The following PLA2G6 variants were observed in gnomAD, a reference collection of about 807,000 sequenced individuals.
PLA2G6 encodes the protein phospholipase A2 group VI.
A neutral mutation model predicts 83.8 loss-of-function variants in PLA2G6; 62 were observed. The observed-to-expected ratio is 0.74, with a 90% CI of 0.60 to 0.91. The LOEUF is 0.91. Among genes scored for constraint, PLA2G6 ranks in the 40% least tolerant of loss-of-function variants. The pLI is 0.00. For synonymous variants in PLA2G6, 417 were observed against 449.8 expected, an observed-to-expected ratio of 0.93 and a Z score of 0.92; for missense variants, 944 against 1,102.0, an observed-to-expected ratio of 0.86 and a Z score of 2.03.
chr22:38,154,824 G>C (rs2089710941), intron 2 of PLA2G6, among the ~76,000 whole-genome samples: 1 of 152,216 alleles, frequency 6.6e-6, no homozygotes, highest in South Asian at 2.1e-4. Flanking sequence ...CTTTCAGACA[G>C]AGAATTCAAA....
At chr22:38,146,181 G>A (rs775751960) in intron 2 of PLA2G6, 4 of 172,854 alleles carry the variant, frequency 2.3e-5, no homozygotes, top group South Asian at 1.3e-4. Flanking sequence ...GATTAAAGGC[G>A]TGTGCTGCCA....
chr22:38,125,774 A>G (rs750596438), intron 10 of PLA2G6: 1 of 464,552 alleles, frequency 2.2e-6, no homozygotes, highest in Non-Finnish European at 4.5e-6. Context: ...AATCAACTGC[A>G]GCAATCAAGG....
At chr22:38,155,393 CAT>C (rs1491179202) in intron 2 of PLA2G6, among the ~76,000 whole-genome samples, 3 of 152,076 alleles carry the variant, frequency 2.0e-5, no homozygotes, top group Non-Finnish European at 4.4e-5. Context: ...TACACAGAAA[CAT>C]ATAGAATATT....
intron 1 of PLA2G6, among the ~76,000 whole-genome samples, chr22:38,169,984 G>C (rs1384283618): frequency 6.6e-6 from 1 of 152,088 alleles, no homozygotes; most frequent in African/African-American, 2.4e-5. Context: ...GATCATTTGA[G>C]GTCAGAAATT....
chr22:38,152,705 C>G (rs765539317), intron 2 of PLA2G6, among the ~76,000 whole-genome samples: 1 of 152,116 alleles, frequency 6.6e-6, no homozygotes. Flanking sequence ...CAGACAAAAA[C>G]AGGTAGTCAA....
At chr22:38,179,227 C>G (rs2090752933) in intron 1 of PLA2G6, among the ~76,000 whole-genome samples, 2 of 152,164 alleles carry the variant, frequency 1.3e-5, no homozygotes, top group Admixed American at 1.3e-4. Context: ...AAGCCAGTGA[C>G]ATCAGAGAGG....
rs1459543347 is a variant in PLA2G6, at chr22:38,113,502, C to T, written c.2187G>A (p.Lys729=). 6.2e-7 allele frequency: 1 copy of T among 1,614,092 alleles called. No homozygotes were observed. The highest frequency in any genetic ancestry group is 8.5e-7 in the Non-Finnish European group (1 of 1,180,028). Residue 729 remains lysine (K), a synonymous_variant, in exon 15 of 17, where the codon AAG becomes AAA. Coordinates refer to ENST00000332509, the MANE Select transcript of PLA2G6 (RefSeq NM_003560.4). ...CCACACTCACACAGTCCACCACCAT[C>T]TTGCCCAGTTCCTTGGCCCCAAAAA... is the stretch of plus-strand genomic sequence containing the variant. ...KTVFGAKELG[K]MVVDCCTDPD... is the part of the protein sequence containing the mutation.
rs925893147 is a variant in PLA2G6 at position 38,128,170 on chromosome 22, G to A, written c.1348+99C>T. 2 of 1,322,734 alleles carry A rather than the reference G, an allele frequency of 1.5e-6. No homozygotes were observed. Among genetic ancestry groups the A allele is most frequent in the Admixed American group, 3.5e-5 (2 of 57,656 alleles). The allele number at this position is 1,322,734 out of a possible 1,614,324, so 81.9% of individuals were successfully genotyped here. On this transcript the variant is annotated intron_variant, in intron 9 of 16. Coordinates refer to ENST00000332509, the MANE Select transcript of PLA2G6 (RefSeq NM_003560.4). The surrounding 1 kb of genome is among the most constrained non-coding windows in gnomAD (Gnocchi z 4.4). The stretch of plus-strand genomic sequence containing the variant: ...CCCATCCTCCCCGGCTTCCTTTAGT[G>A]ACTTCCGTCCTAGGGATCCTGTTGC...
chr22:38,120,659 G>C, intron 12 of PLA2G6, 100 bp downstream of exon 12: 1 of 1,418,484 alleles, frequency 7.0e-7, no homozygotes, highest in Non-Finnish European at 9.9e-7. Context: ...AGCGTGGGGC[G>C]CTCTTCCCCC....
chr22:38,166,467 T>C (rs936894963), intron 2 of PLA2G6, among the ~76,000 whole-genome samples: 8 of 152,158 alleles, frequency 5.3e-5, no homozygotes, highest in Non-Finnish European at 1.2e-4. Flanking sequence ...TGGTGACTCA[T>C]GCCTGTAATC....
intron 2 of PLA2G6, among the ~76,000 whole-genome samples, chr22:38,150,925 A>G (rs1252003526): frequency 1.3e-5 from 2 of 152,172 alleles, no homozygotes; most frequent in Non-Finnish European, 2.9e-5. Flanking sequence ...CGTCTCTACT[A>G]AAAATACAAA....
At chr22:38,150,233 C>T (rs1352358751) in intron 2 of PLA2G6, 2 of 152,140 alleles carry the variant, frequency 1.3e-5, no homozygotes, top group Non-Finnish European at 2.9e-5. Flanking sequence ...GCGTTACCAA[C>T]AGAATATGGC....
chr22:38,148,175 G>C (rs577535252), intron 2 of PLA2G6: 2 of 307,412 alleles, frequency 6.5e-6, no homozygotes, highest in South Asian at 2.7e-5. Flanking sequence ...TAGTGGAATG[G>C]AGGGAACCAA....
intron 12 of PLA2G6, 113 bp from the exon 13 acceptor site, chr22:38,116,324 G>A: frequency 8.5e-7 from 1 of 1,173,432 alleles, no homozygotes; most frequent in Non-Finnish European, 1.3e-6. Context: ...TCCAACCTCT[G>A]TTCGGGATAG....
chr22:38,124,542 A>T (rs2087719454), intron 10 of PLA2G6, among the ~76,000 whole-genome samples: 1 of 152,048 alleles, frequency 6.6e-6, no homozygotes, highest in Non-Finnish European at 1.5e-5. Context: ...TCTCAGCTTG[A>T]TGAAGCTGAG....
In PLA2G6 at chr22:38,112,052, A is replaced by C. The variant is rs2086893882; in HGVS notation, c.*109T>G. The C allele has an allele frequency of 2.3e-6, 3 of 1,296,606 alleles. No individual in the cohort carries two copies. The South Asian group carries it at 3.8e-5, about 16-fold the overall frequency. 80.3% of individuals were successfully genotyped at this position (1,296,606 alleles called of 1,614,324 possible). A position where few individuals can be genotyped will look rare whatever the true frequency, so the allele number is the denominator to read the frequency against. ...GCATTCTCCCAGGCCTGGTCTATGG[A>C]CTCAGAGGTGCCTGGGCCCAGATCT... On this transcript the variant is annotated 3_prime_UTR_variant, in exon 17 of 17. Transcript: ENST00000332509.
chr22:38,149,726 T>C (rs980390800), intron 2 of PLA2G6: 1 of 152,218 alleles, frequency 6.6e-6, no homozygotes, highest in Non-Finnish European at 1.5e-5. Context: ...GTGGATCACC[T>C]GAGGTCAGGA....
intron 2 of PLA2G6, among the ~76,000 whole-genome samples, chr22:38,164,904 C>T (rs61141120): frequency 0.12 from 17,611 of 152,062 alleles, 1,236 homozygotes; most frequent in African/African-American, 0.18. Flanking sequence ...GCTGGGAGAA[C>T]ACTGCAATGA....
intron 2 of PLA2G6, among the ~76,000 whole-genome samples, chr22:38,152,934 T>C (rs1302978522): frequency 1.3e-5 from 2 of 151,434 alleles, no homozygotes; most frequent in African/African-American, 2.4e-5. Flanking sequence ...AGTGATGGAA[T>C]GCACATAGGT....
Sources: gnomAD v4.1 joint callset for allele counts (sites outside exome capture counted in the v4.1 genomes callset) on GRCh38, gnomAD v4.1.1 for gene constraint, Gnocchi (gnomAD v3.1) non-coding constraint, MANE v1.5 for transcripts, NCBI Gene and HGNC (gene_info 2026-07-23, HGNC 2026-07-21) for gene names.